ANK2: variants seen among roughly 807,000 people sequenced by gnomAD.
The protein encoded by ANK2 is ankyrin-2.
In ANK2, 83 loss-of-function variants were observed where a neutral mutation model predicts 360.5. The observed-to-expected ratio is 0.23, with a 90% CI of 0.19 to 0.28. ANK2 has a LOEUF of 0.28. Ranked by LOEUF, ANK2 falls within the 10% of genes least tolerant of loss-of-function variation. The pLI is 1.00. For missense variants in ANK2, 4,201 were observed against 4,795.7 expected, an observed-to-expected ratio of 0.88 and a Z score of 3.66; for synonymous variants, 1,740 against 1,759.5, an observed-to-expected ratio of 0.99 and a Z score of 0.28.
intron 1 of ANK2, among the ~76,000 whole-genome samples, chr4:113,091,595 A>G (rs2088185732): frequency 6.6e-6 from 1 of 152,250 alleles, no homozygotes; most frequent in African/African-American, 2.4e-5. Flanking sequence ...ACAGAAAATT[A>G]TCAAAATTAG....
chr4:112,711,538 C>T, the ANK2 span, among the ~76,000 whole-genome samples: 6 of 151,736 alleles, frequency 4.0e-5, no homozygotes, highest in Non-Finnish European at 7.4e-5. Flanking sequence ...CACAACAGGC[C>T]GGGCATGGAG....
chr4:113,276,396 G>C (rs749235632), intron 15 of ANK2, among the ~76,000 whole-genome samples: 5 of 152,254 alleles, frequency 3.3e-5, no homozygotes, highest in South Asian at 4.1e-4. Context: ...CTTTGGTTTT[G>C]TTATTCTACA....
intron 37 of ANK2, among the ~76,000 whole-genome samples, chr4:113,352,534 A>G (rs1364679910): frequency 1.3e-5 from 2 of 152,212 alleles, no homozygotes; most frequent in Admixed American, 1.3e-4. Flanking sequence ...TTAAAAATGT[A>G]TATACATCAT....
intron 2 of ANK2, among the ~76,000 whole-genome samples, chr4:113,043,219 A>T (rs2063398758): frequency 6.6e-6 from 1 of 152,142 alleles, no homozygotes; most frequent in African/African-American, 2.4e-5. Flanking sequence ...AGAAATAAAT[A>T]AAAAAGGCCT....
At chr4:112,724,540 T>A in the ANK2 span, among the ~76,000 whole-genome samples, 1 of 138,602 alleles carries the variant, frequency 7.2e-6, no homozygotes, top group Non-Finnish European at 1.6e-5. Flanking sequence ...GATACAAATA[T>A]ATAGACACAC....
At chr4:112,832,156 A>G (rs893467446) in intron 1 of ANK2, among the ~76,000 whole-genome samples, 2 of 152,166 alleles carry the variant, frequency 1.3e-5, no homozygotes, top group Admixed American at 6.5e-5. Flanking sequence ...TGTTCAAGCA[A>G]TTGTCCTGCC....
At chr4:112,996,378 T>C (rs941301378) in intron 2 of ANK2, among the ~76,000 whole-genome samples, 1 of 152,140 alleles carries the variant, frequency 6.6e-6, no homozygotes, top group Non-Finnish European at 1.5e-5. Flanking sequence ...CATCAAATAG[T>C]ACACTTTAAA....
intron 4 of ANK2, among the ~76,000 whole-genome samples, chr4:113,215,927 C>T (rs1277295245): frequency 1.3e-5 from 2 of 151,908 alleles, no homozygotes; most frequent in African/African-American, 4.8e-5. Flanking sequence ...TTTATTTATA[C>T]ACAACTTAAT....
intron 1 of ANK2, among the ~76,000 whole-genome samples, chr4:113,086,928 A>G (rs1228165077): frequency 6.6e-6 from 1 of 152,170 alleles, no homozygotes. Context: ...GTCAGAAATG[A>G]GATCAGAGGT....
At chr4:113,218,645 T>C (rs1374242652) in intron 4 of ANK2, among the ~76,000 whole-genome samples, 1 of 152,222 alleles carries the variant, frequency 6.6e-6, no homozygotes, top group Non-Finnish European at 1.5e-5. Flanking sequence ...TGAGTTGGTC[T>C]AACCATATCA....
chr4:113,200,005 C>A (rs1480879637), intron 4 of ANK2, among the ~76,000 whole-genome samples: 1 of 152,126 alleles, frequency 6.6e-6, no homozygotes, highest in Admixed American at 6.5e-5. Flanking sequence ...CTAGAAAATA[C>A]AAAAGGCAAT....
At chr4:112,819,673 C>T (rs2056423324) in intron 1 of ANK2, among the ~76,000 whole-genome samples, 1 of 152,142 alleles carries the variant, frequency 6.6e-6, no homozygotes. Flanking sequence ...AGAGACAGTT[C>T]TAATTCATCT....
chr4:113,072,951 G>GTTT (rs1580777093), intron 1 of ANK2, among the ~76,000 whole-genome samples: 6 of 92,626 alleles, frequency 6.5e-5, no homozygotes, highest in African/African-American at 1.0e-4. Context: ...CAAGGACAGT[G>GTTT]TCTTTTTTTT....
chr4:113,328,094 T>C (rs543738012), intron 26 of ANK2, among the ~76,000 whole-genome samples: 8 of 152,278 alleles, frequency 5.3e-5, no homozygotes, highest in African/African-American at 1.9e-4. Flanking sequence ...CTGGAATAAA[T>C]GTAGTGGAGA....
chr4:112,804,839 G>A, the ANK2 span, among the ~76,000 whole-genome samples: 6,023 of 151,964 alleles, frequency 0.04, 184 homozygotes, highest in Middle Eastern at 0.088. Context: ...ACACGCACCT[G>A]TAATACTAGA....
intron 1 of ANK2, among the ~76,000 whole-genome samples, chr4:112,830,618 A>AT (rs954620688): frequency 1.6e-4 from 21 of 132,314 alleles, no homozygotes; most frequent in Non-Finnish European, 3.2e-4. Context: ...TATTATTATT[A>AT]TTTTTTTTTG....
intron 1 of ANK2, among the ~76,000 whole-genome samples, chr4:112,840,821 A>C (rs185479053): frequency 6.2e-4 from 94 of 152,358 alleles, no homozygotes; most frequent in Non-Finnish European, 1.2e-3. Context: ...AAAGTCACAC[A>C]GTATAAGCCA....
chr4:112,809,379 G>T, the ANK2 span, among the ~76,000 whole-genome samples: 1 of 150,590 alleles, frequency 6.6e-6, no homozygotes, highest in Non-Finnish European at 1.5e-5. Context: ...GGCTAACACG[G>T]TGAAACCCCG....
intron 13 of ANK2, among the ~76,000 whole-genome samples, chr4:113,264,636 C>T (rs1056467161): frequency 2.6e-5 from 4 of 151,518 alleles, no homozygotes; most frequent in Non-Finnish European, 5.9e-5. Context: ...GCAAGAGAAT[C>T]GCTTGAACCC....
Sources: allele counts gnomAD v4.1 joint callset (sites outside exome capture counted in the v4.1 genomes callset), GRCh38; gene constraint gnomAD v4.1.1; transcripts MANE v1.5; gene names NCBI Gene and HGNC (gene_info 2026-07-23, HGNC 2026-07-21).